The following COG3 variants were observed in gnomAD, a reference collection of about 807,000 sequenced individuals.
COG3 encodes conserved oligomeric Golgi complex subunit 3.
Under a neutral mutation model 114.1 loss-of-function variants are expected in COG3, and 32 were observed. The ratio of observed to expected loss-of-function variants is 0.28; its 90% CI spans 0.21 to 0.38. The LOEUF is 0.38. COG3 is among the 10% of genes least tolerant of loss of function. COG3 has a pLI of 1.00. For missense variants in COG3, 813 were observed against 973.2 expected, an observed-to-expected ratio of 0.84 and a Z score of 2.19; for synonymous variants, 352 against 365.7, an observed-to-expected ratio of 0.96 and a Z score of 0.43.
chr13:45,535,760 A>C lies in COG3; in HGVS notation c.*1029A>C. 2 of 987,526 alleles carry C rather than the reference A, an allele frequency of 2.0e-6. No individual in the cohort carries two copies. Among genetic ancestry groups the C allele is most frequent in the Non-Finnish European group, 2.4e-6 (2 of 830,108 alleles). 61.2% of individuals were successfully genotyped at this position (987,526 alleles called of 1,614,324 possible). ...GATGACAAACACTATCCACATCTGAAAACTACCACACCATATCAGGGATCA... is the reference window on the plus strand; with the variant it reads ...GATGACAAACACTATCCACATCTGACAACTACCACACCATATCAGGGATCA... On this transcript the variant is annotated 3_prime_UTR_variant, in exon 23 of 23. Coordinates refer to ENST00000349995, the MANE Select transcript of COG3 (RefSeq NM_031431.4).
At chr13:45,484,354 G>T (rs926219206) in intron 7 of COG3, among the ~76,000 whole-genome samples, 11 of 152,046 alleles carry the variant, frequency 7.2e-5, no homozygotes, top group Non-Finnish European at 1.5e-4. Flanking sequence ...GGAGTTTAAT[G>T]GATGCACTGA....
intron 14 of COG3, among the ~76,000 whole-genome samples, chr13:45,508,946 T>C (rs1870544996): frequency 6.6e-6 from 1 of 151,964 alleles, no homozygotes; most frequent in African/African-American, 2.4e-5. Flanking sequence ...ATTTGATTAA[T>C]CCCCCTGTTT....
intron 16 of COG3, among the ~76,000 whole-genome samples, chr13:45,513,465 C>A (rs7984282): frequency 3.5e-5 from 2 of 57,938 alleles, no homozygotes; most frequent in African/African-American, 1.0e-4. Flanking sequence ...ATAATATATA[C>A]ATATAAATTA....
At chr13:45,475,392 G>A (rs1488216908) in intron 1 of COG3, among the ~76,000 whole-genome samples, 3 of 151,664 alleles carry the variant, frequency 2.0e-5, no homozygotes, top group East Asian at 2.0e-4. Context: ...CAGTAGAGAC[G>A]GGGGTGTCAC....
chr13:45,522,161 C>T (rs1162889657), intron 19 of COG3, among the ~76,000 whole-genome samples: 1 of 151,956 alleles, frequency 6.6e-6, no homozygotes, highest in African/African-American at 2.4e-5. Context: ...AAAATCAACA[C>T]CCATAGGTAC....
chr13:45,477,799 TG>T (rs1885973407), intron 2 of COG3, among the ~76,000 whole-genome samples: 1 of 151,936 alleles, frequency 6.6e-6, no homozygotes, highest in Non-Finnish European at 1.5e-5. Flanking sequence ...GCTAATTTTT[TG>T]TATTTTTAGT....
At chr13:45,524,381 T>TA (rs1292549935) in intron 19 of COG3, among the ~76,000 whole-genome samples, 3 of 152,212 alleles carry the variant, frequency 2.0e-5, no homozygotes, top group African/African-American at 7.2e-5. Flanking sequence ...TCCACTTCTC[T>TA]ATACTGCTGC....
intron 8 of COG3, among the ~76,000 whole-genome samples, chr13:45,490,292 T>C (rs1214035995): frequency 1.3e-5 from 2 of 152,200 alleles, no homozygotes; most frequent in African/African-American, 4.8e-5. Context: ...ACCTGGTGTT[T>C]TGGGGTCCCC....
At position 45,499,800 on chromosome 13, in the gene COG3, T is replaced by C. The variant is rs999389500; in HGVS notation, c.1489-3444T>C. On this transcript the variant is annotated intron_variant, in intron 13 of 22. Coordinates refer to ENST00000349995, the MANE Select transcript of COG3 (RefSeq NM_031431.4). Reference sequence around the variant, plus strand: ...ACTGTGGGAGGCCAAGGTGGGCGAATCACTTGAGCCCAGTAGTTCAAGACC... The same window carrying C: ...ACTGTGGGAGGCCAAGGTGGGCGAACCACTTGAGCCCAGTAGTTCAAGACC... 5.3e-5 allele frequency among the ~76,000 whole-genome samples: 8 copies of C among 152,068 alleles called. No individual in the cohort carries two copies. The South Asian group carries it at 1.0e-3, about 20-fold the overall frequency.
intron 14 of COG3, among the ~76,000 whole-genome samples, chr13:45,505,922 G>T (rs1870094168): frequency 6.6e-6 from 1 of 152,086 alleles, no homozygotes; most frequent in South Asian, 2.1e-4. Context: ...TGGAGACAGG[G>T]TCTGGTTCTG....
At position 45,524,753 on chromosome 13, in the gene COG3, G is replaced by A. The variant is rs186468708; in HGVS notation, c.2155-223G>A. Among the ~76,000 whole-genome samples, 160 of 152,238 alleles carry A rather than the reference G, an allele frequency of 1.1e-3. 1 individual carries two copies. Among genetic ancestry groups the A allele is most frequent in the African/African-American group, 3.8e-3 (156 of 41,542 alleles). ...ATGATTTTTAGCAAGATAACCATAT[G>A]CCTTGAAATCACAAAAGAAGTTTTA... On this transcript the variant is annotated intron_variant, in intron 19 of 22. Transcript: ENST00000349995.
chr13:45,526,355 G>A (rs1400919014), intron 20 of COG3, among the ~76,000 whole-genome samples: 1 of 151,860 alleles, frequency 6.6e-6, no homozygotes, highest in Non-Finnish European at 1.5e-5. Context: ...CAAAATGCTG[G>A]GATTACAGGC....
rs1868744258 is a variant in COG3 at position 45,496,176 on chromosome 13, C to T, written c.1352C>T (p.Ala451Val). 7 of 1,609,010 alleles carry T rather than the reference C, an allele frequency of 4.4e-6. No individual in the cohort carries two copies. Among genetic ancestry groups the T allele is most frequent in the East Asian group, 2.2e-5 (1 of 44,590 alleles). Reference sequence around the variant, plus strand: ...GCTGAGCAACTGGGGGCATTTGCAGCTGGAGTCAAGCAGATGTTAGAAGAT... The same window carrying T: ...GCTGAGCAACTGGGGGCATTTGCAGTTGGAGTCAAGCAGATGTTAGAAGAT... ...NNAEQLGAFA[A>V]GVKQMLEDVQ... The change falls in exon 13 of 23, where the codon GCT becomes GTT. Residue 451 changes from alanine (A) to valine (V), a missense_variant. Ala to Val is a moderately conservative substitution (Grantham distance 64, BLOSUM62 0). This residue lies in a region of COG3 where 389 missense variants were observed against 542.6 expected (regional missense o/e 0.72). Coordinates refer to ENST00000349995, the MANE Select transcript of COG3 (RefSeq NM_031431.4).
Position 45,491,447 on chromosome 13 carries a change from A to G in COG3, c.1004A>G (p.Tyr335Cys). ...CTGCTAAATGATATCCACCAGTGTTACCTTGATCAGCGGGAGCTCCTTTTG... is the reference window on the plus strand; with the variant it reads ...CTGCTAAATGATATCCACCAGTGTTGCCTTGATCAGCGGGAGCTCCTTTTG... ...QQLLNDIHQCYLDQRELLLGP... is the reference protein window; with the variant it reads ...QQLLNDIHQCCLDQRELLLGP... Residue 335 changes from tyrosine (Y) to cysteine (C), a missense_variant, in exon 10 of 23, where the codon TAC becomes TGC. Physicochemically the swap from Tyr to Cys is radical, Grantham distance 194. Coordinates refer to ENST00000349995, the MANE Select transcript of COG3 (RefSeq NM_031431.4). The G allele has an allele frequency of 6.2e-7, 1 of 1,613,546 alleles. No homozygotes were observed. Among genetic ancestry groups the G allele is most frequent in the Non-Finnish European group, 8.5e-7 (1 of 1,179,698 alleles).
intron 17 of COG3, among the ~76,000 whole-genome samples, chr13:45,517,345 T>TAGG (rs1347620082): frequency 6.5e-4 from 99 of 152,332 alleles, no homozygotes; most frequent in Non-Finnish European, 1.3e-3. Flanking sequence ...GTGGATTTGA[T>TAGG]TTAACTCACC....
Position 45,480,221 on chromosome 13 carries a change from A to C in COG3, c.480A>C (p.Lys160Asn). ...SALQHLESLQ[K>N]QYLFVSNKTG... Reference sequence around the variant, plus strand: ...TTCAGCATCTGGAGTCTTTGCAGAAACAGTATCTTTTTGTGTCCAATAAGA... The same window carrying C: ...TTCAGCATCTGGAGTCTTTGCAGAACCAGTATCTTTTTGTGTCCAATAAGA... The change falls in exon 4 of 23, where the codon AAA (lysine) becomes AAC (asparagine). Residue 160 changes from lysine to asparagine, a missense_variant. Around this residue, in one of 2 missense-constraint regions of COG3, gnomAD observed 424 missense variants for 430.6 expected, o/e 0.98. Transcript: ENST00000349995. The C allele has an allele frequency of 6.2e-7, 1 of 1,613,928 alleles. No homozygotes were observed. Among genetic ancestry groups the C allele is most frequent in the Non-Finnish European group, 8.5e-7 (1 of 1,179,830 alleles).
chr13:45,532,331 C>G (rs1310431975), intron 22 of COG3, among the ~76,000 whole-genome samples: 1 of 151,858 alleles, frequency 6.6e-6, no homozygotes, highest in Non-Finnish European at 1.5e-5. Flanking sequence ...ATGATTGTAC[C>G]ACTAACTCGA....
At chr13:45,520,215 G>A (rs1404310462) in intron 19 of COG3, among the ~76,000 whole-genome samples, 1 of 151,252 alleles carries the variant, frequency 6.6e-6, no homozygotes, top group South Asian at 2.1e-4. Flanking sequence ...CTTGAGCTGG[G>A]AAGTCGAGGG....
Position 45,511,751 on chromosome 13 carries a change from T to C in COG3, c.1720-14T>C. On this transcript the variant is annotated splice_polypyrimidine_tract_variant and intron_variant, in intron 15 of 22. Coordinates refer to ENST00000349995, the MANE Select transcript of COG3 (RefSeq NM_031431.4). ...CAAATGCCACAGGCTGATTATTCTC[T>C]TTTATTCCACCAGAGGGCAGTGTTC... 6.2e-7 allele frequency: 1 copy of C among 1,606,126 alleles called. No homozygotes were observed. The highest frequency in any genetic ancestry group is 8.5e-7 in the Non-Finnish European group (1 of 1,172,944).
Sources: allele counts gnomAD v4.1 joint callset (sites outside exome capture counted in the v4.1 genomes callset), GRCh38; gene constraint gnomAD v4.1.1; regional missense constraint gnomAD v4.1.1; transcripts MANE v1.5; gene names NCBI Gene and HGNC (gene_info 2026-07-23, HGNC 2026-07-21).